GALNTL6: variants seen among roughly 807,000 people sequenced by gnomAD.
The protein encoded by GALNTL6 is polypeptide N-acetylgalactosaminyltransferase-like 6.
Under a neutral mutation model 73.7 loss-of-function variants are expected in GALNTL6, and 46 were observed. That is an observed-to-expected ratio of 0.62 (90% CI 0.49 to 0.80). GALNTL6 has a LOEUF of 0.80. Among genes scored for constraint, GALNTL6 ranks in the 30% least tolerant of loss-of-function variants. The pLI is 0.00. For missense variants in GALNTL6, 604 were observed against 755.0 expected (o/e 0.80, Z 2.34); for synonymous variants, 259 against 263.7 (o/e 0.98, Z 0.17).
At chr4:172,101,268 A>G (rs1732509652) in intron 2 of GALNTL6, among the ~76,000 whole-genome samples, 1 of 152,144 alleles carries the variant, frequency 6.6e-6, no homozygotes, top group South Asian at 2.1e-4. Flanking sequence ...GGGTACTTTG[A>G]CCACTTTCTA....
At chr4:171,957,446 G>A (rs1327571565) in intron 2 of GALNTL6, among the ~76,000 whole-genome samples, 2 of 152,124 alleles carry the variant, frequency 1.3e-5, no homozygotes, top group African/African-American at 2.4e-5. Context: ...CTGTGTTTTA[G>A]AAACTAAAAT....
intron 11 of GALNTL6, among the ~76,000 whole-genome samples, chr4:173,015,586 G>A (rs952169836): frequency 1.3e-5 from 2 of 152,168 alleles, no homozygotes; most frequent in South Asian, 4.1e-4. Flanking sequence ...AAAGAGACTG[G>A]TGGCATTTTG....
intron 3 of GALNTL6, among the ~76,000 whole-genome samples, chr4:172,288,625 A>G (rs898616279): frequency 2.0e-5 from 3 of 152,192 alleles, no homozygotes; most frequent in Non-Finnish European, 4.4e-5. Flanking sequence ...AACTGGAAGC[A>G]TATATGTTTT....
chr4:172,481,248 G>C (rs1280228275), intron 5 of GALNTL6, among the ~76,000 whole-genome samples: 1 of 151,304 alleles, frequency 6.6e-6, no homozygotes, highest in Non-Finnish European at 1.5e-5. Flanking sequence ...CCCGACCCGA[G>C]TTGTTCATTC....
chr4:172,569,746 C>A (rs1736692023), intron 5 of GALNTL6, among the ~76,000 whole-genome samples: 1 of 152,120 alleles, frequency 6.6e-6, no homozygotes, highest in South Asian at 2.1e-4. Flanking sequence ...GCTTTTGAGA[C>A]ATCCAAGAGT....
intron 8 of GALNTL6, among the ~76,000 whole-genome samples, chr4:172,918,175 T>C (rs1747621990): frequency 6.6e-6 from 1 of 151,730 alleles, no homozygotes. Flanking sequence ...CACTCATAAG[T>C]GGGAATTGAA....
chr4:172,813,816 A>G (rs1741452035), intron 7 of GALNTL6, 93 bp downstream of exon 7: 3 of 948,148 alleles, frequency 3.2e-6, no homozygotes, highest in East Asian at 2.6e-5. Flanking sequence ...TATCTCTAAC[A>G]AAATGGAATA....
rs35103284 is a variant in GALNTL6, at chr4:172,697,137, CA to C, written c.554-112221del. Among the ~76,000 whole-genome samples the C allele has an allele frequency of 5.0e-3, 757 of 152,146 alleles. 3 individuals are homozygous for C. Among genetic ancestry groups the C allele is most frequent in the Non-Finnish European group, 6.4e-3 (438 of 67,996 alleles). ...GAGTATCAGTGAAATTAAAATTTTC[CA>C]AATGCCTTTTTTACAGCAAATTATG... On this transcript the variant is annotated intron_variant, in intron 5 of 12. Coordinates refer to ENST00000506823, the MANE Select transcript of GALNTL6 (RefSeq NM_001034845.3).
intron 10 of GALNTL6, among the ~76,000 whole-genome samples, chr4:172,974,639 C>G (rs1293092189): frequency 1.3e-5 from 2 of 152,184 alleles, no homozygotes; most frequent in Non-Finnish European, 2.9e-5. Flanking sequence ...TTTACTCGGG[C>G]CCCCTGGGCT....
intron 7 of GALNTL6, among the ~76,000 whole-genome samples, chr4:172,859,453 T>C (rs1250550479): frequency 6.6e-6 from 1 of 152,110 alleles, no homozygotes; most frequent in African/African-American, 2.4e-5. Context: ...TCCACATCTT[T>C]GTTAGAAGGT....
rs770282365 is a variant in GALNTL6, at chr4:173,021,621, G to A, written c.1634G>A (p.Arg545Gln). 38 of 1,613,658 alleles carry A rather than the reference G, an allele frequency of 2.4e-5. No homozygotes were observed. Among genetic ancestry groups the A allele is most frequent in the Middle Eastern group, 3.3e-4 (2 of 6,084 alleles). Reference protein sequence around the residue: ...GMKGNQLWGYRKDRTLFHPVS... With the variant: ...GMKGNQLWGYQKDRTLFHPVS... ...AAGGGGAACCAGCTCTGGGGATACCGGAAGGTAAGAGTCAGTCCACTGTGG... is the reference window on the plus strand; with the variant it reads ...AAGGGGAACCAGCTCTGGGGATACCAGAAGGTAAGAGTCAGTCCACTGTGG... The change falls in exon 12 of 13, where the codon CGG becomes CAG. Residue 545 changes from arginine to glutamine, a missense_variant. By Grantham distance (43) the Arg-to-Gln change is conservative. This residue lies in a region of GALNTL6 where 261 missense variants were observed against 296.5 expected (regional missense o/e 0.88). Coordinates refer to ENST00000506823, the MANE Select transcript of GALNTL6 (RefSeq NM_001034845.3).
intron 2 of GALNTL6, among the ~76,000 whole-genome samples, chr4:172,175,225 C>T (rs576500721): frequency 1.3e-5 from 2 of 152,060 alleles, no homozygotes; most frequent in Non-Finnish European, 2.9e-5. Flanking sequence ...TACAGGCATG[C>T]ACCACCATAC....
chr4:172,505,452 C>G (rs1734376653), intron 5 of GALNTL6, among the ~76,000 whole-genome samples: 1 of 54,998 alleles, frequency 1.8e-5, no homozygotes, highest in African/African-American at 4.5e-5. Flanking sequence ...GAAATATTTC[C>G]AGAGATTTCA....
intron 2 of GALNTL6, among the ~76,000 whole-genome samples, chr4:171,853,089 T>C (rs1184246786): frequency 6.8e-6 from 1 of 147,738 alleles, no homozygotes; most frequent in African/African-American, 2.5e-5. Context: ...GGTTTTGATC[T>C]CCTGACCTCG....
intron 2 of GALNTL6, among the ~76,000 whole-genome samples, chr4:172,141,882 A>ACAC (rs1560939807): frequency 4.8e-4 from 52 of 108,950 alleles, no homozygotes; most frequent in African/African-American, 1.7e-3. Context: ...AACACACACA[A>ACAC]ACACACACAC....
chr4:172,867,901 C>A (rs933079619), intron 7 of GALNTL6, among the ~76,000 whole-genome samples: 1 of 152,232 alleles, frequency 6.6e-6, no homozygotes, highest in African/African-American at 2.4e-5. Flanking sequence ...ACCTGAAACA[C>A]ACAGTTAAGT....
At chr4:171,865,736 G>A (rs953232920) in intron 2 of GALNTL6, among the ~76,000 whole-genome samples, 2 of 152,162 alleles carry the variant, frequency 1.3e-5, no homozygotes, top group Admixed American at 6.6e-5. Flanking sequence ...GGCTTTTGAT[G>A]AGTTATTTGA....
chr4:171,814,697 A>G lies in GALNTL6; in HGVS notation c.117A>G (p.Ser39=). 1 of 1,614,086 alleles carries G rather than the reference A, an allele frequency of 6.2e-7. No individual in the cohort carries two copies. ...SLYKDKHLVK[S]AEPGEQQTFP... The stretch of plus-strand genomic sequence containing the variant: ...ACAAGGATAAGCACCTGGTGAAGTC[A>G]GCGGAGCCCGGGGAGCAGCAGGTAA... The change falls in exon 2 of 13, where the codon TCA becomes TCG. Residue 39 remains serine (S), a synonymous_variant. Transcript: ENST00000506823.
At chr4:172,681,510 TA>T (rs1430434900) in intron 5 of GALNTL6, among the ~76,000 whole-genome samples, 1 of 152,172 alleles carries the variant, frequency 6.6e-6, no homozygotes, top group Non-Finnish European at 1.5e-5. Context: ...TTAGAAATAT[TA>T]AAATGAATAT....
Sources: allele counts gnomAD v4.1 joint callset (sites outside exome capture counted in the v4.1 genomes callset), GRCh38; gene constraint gnomAD v4.1.1; regional missense constraint gnomAD v4.1.1; transcripts MANE v1.5; gene names NCBI Gene and HGNC (gene_info 2026-07-23, HGNC 2026-07-21).